The following NAALADL2 variants were observed in gnomAD, a reference collection of about 807,000 sequenced individuals.
NAALADL2 encodes N-acetylated alpha-linked acidic dipeptidase like 2, also known as inactive N-acetylated-alpha-linked acidic dipeptidase-like protein 2.
NAALADL2 carries 76 observed loss-of-function variants against 87.2 expected under a neutral mutation model. The ratio of observed to expected loss-of-function variants is 0.87; its 90% CI spans 0.72 to 1.05. The LOEUF is 1.05. Among genes scored for constraint, NAALADL2 ranks in the 50% least tolerant of loss-of-function variants. The pLI, the probability that NAALADL2 is intolerant of heterozygous loss-of-function variation, is 0.00. For missense variants in NAALADL2, 1,089 were observed against 945.8 expected, an observed-to-expected ratio of 1.15 and a Z score of -1.99; for synonymous variants, 354 against 331.0, an observed-to-expected ratio of 1.07 and a Z score of -0.75.
Position 174,853,201 on chromosome 3 carries a change from C to CAAAAA in NAALADL2, c.-9+115478_-9+115482dup, listed in dbSNP as rs34303846. ...CAACATGGTGAAACCCCGTCTCTAC[C>CAAAAA]AAAAAAAAAAAAAAAAAAAAAAAAA... On this transcript the variant is annotated intron_variant, in intron 3 of 3. Coordinates refer to the NAALADL2 transcript ENST00000434257. Among the ~76,000 whole-genome samples the CAAAAA allele has an allele frequency of 8.3e-3, 378 of 45,618 alleles. 34 individuals are homozygous for CAAAAA. The highest frequency in any genetic ancestry group is 0.033 in the East Asian group (39 of 1,176). 29.9% of individuals were successfully genotyped at this position (45,618 alleles called of 152,430 possible).
chr3:175,455,106 T>C (rs972792414), intron 6 of NAALADL2, among the ~76,000 whole-genome samples: 3 of 152,070 alleles, frequency 2.0e-5, no homozygotes, highest in Non-Finnish European at 4.4e-5. Context: ...AGAAGAGCTG[T>C]GGCTTTTAGT....
intron 2 of NAALADL2, among the ~76,000 whole-genome samples, chr3:174,677,296 TG>T (rs2108816440): frequency 6.6e-6 from 1 of 152,168 alleles, no homozygotes; most frequent in East Asian, 1.9e-4. Flanking sequence ...AGTCCTCTCC[TG>T]GGACTTGTTT....
intron 5 of NAALADL2, among the ~76,000 whole-genome samples, chr3:175,341,165 C>T (rs187728547): frequency 1.3e-5 from 2 of 152,124 alleles, no homozygotes; most frequent in African/African-American, 4.8e-5. Flanking sequence ...TCCCCATTCT[C>T]TCCTCCCTCC....
chr3:174,851,691 T>C (rs1303503743), intron 3 of NAALADL2, among the ~76,000 whole-genome samples: 2 of 151,946 alleles, frequency 1.3e-5, no homozygotes, highest in African/African-American at 4.8e-5. Context: ...TCAAACTATT[T>C]CAGAAAATTT....
At chr3:175,801,733 C>G (rs1218257023) in intron 13 of NAALADL2, among the ~76,000 whole-genome samples, 1 of 151,928 alleles carries the variant, frequency 6.6e-6, no homozygotes, top group East Asian at 1.9e-4. Flanking sequence ...TGTTTGCCTC[C>G]CTTATTAGAC....
chr3:175,298,272 C>A (rs930570219), intron 4 of NAALADL2, among the ~76,000 whole-genome samples: 2 of 151,986 alleles, frequency 1.3e-5, no homozygotes, highest in African/African-American at 4.8e-5. Flanking sequence ...TGGAGGGATG[C>A]GGAAACTTGT....
At chr3:174,493,474 T>C (rs557855904) in intron 1 of NAALADL2, among the ~76,000 whole-genome samples, 1 of 152,330 alleles carries the variant, frequency 6.6e-6, no homozygotes, top group Non-Finnish European at 1.5e-5. Context: ...TTCCCCATAG[T>C]CCTCAGAAGG....
chr3:174,516,195 G>GT (rs1481952987), intron 1 of NAALADL2, among the ~76,000 whole-genome samples: 5 of 152,036 alleles, frequency 3.3e-5, no homozygotes, highest in African/African-American at 1.2e-4. Context: ...TTAATAGCAC[G>GT]TTTTTTCCTC....
intron 2 of NAALADL2, among the ~76,000 whole-genome samples, chr3:174,656,337 A>C (rs574304089): frequency 6.6e-6 from 1 of 152,188 alleles, no homozygotes; most frequent in Non-Finnish European, 1.5e-5. Flanking sequence ...AAAATAGATA[A>C]ATTTCAAAAC....
intron 1 of NAALADL2, among the ~76,000 whole-genome samples, chr3:174,971,342 A>G (rs1253819147): frequency 6.6e-6 from 1 of 152,230 alleles, no homozygotes; most frequent in Non-Finnish European, 1.5e-5. Context: ...GCAATTTCAA[A>G]GTAAAAATTT....
At chr3:175,708,715 C>A (rs1395396249) in intron 11 of NAALADL2, among the ~76,000 whole-genome samples, 1 of 151,840 alleles carries the variant, frequency 6.6e-6, no homozygotes, top group African/African-American at 2.4e-5. Context: ...TTTCCCTCCC[C>A]CCAAAGCCAT....
intron 1 of NAALADL2, among the ~76,000 whole-genome samples, chr3:174,525,259 C>A (rs1343169107): frequency 6.6e-6 from 1 of 152,150 alleles, no homozygotes; most frequent in Non-Finnish European, 1.5e-5. Context: ...ATTCTTGTGT[C>A]ACTATAAAGG....
intron 9 of NAALADL2, among the ~76,000 whole-genome samples, chr3:175,554,719 C>A (rs1714983021): frequency 6.6e-6 from 1 of 151,942 alleles, no homozygotes; most frequent in Non-Finnish European, 1.5e-5. Flanking sequence ...ATTTAAAAAT[C>A]TTGTTAATTT....
chr3:175,158,404 C>T (rs1160797582), intron 2 of NAALADL2, among the ~76,000 whole-genome samples: 1 of 149,778 alleles, frequency 6.7e-6, no homozygotes, highest in African/African-American at 2.5e-5. Flanking sequence ...ACAAGTAAAG[C>T]CATCATCAGG....
At chr3:175,323,933 G>C (rs1760310958) in intron 4 of NAALADL2, among the ~76,000 whole-genome samples, 2 of 150,762 alleles carry the variant, frequency 1.3e-5, no homozygotes, top group East Asian at 2.0e-4. Flanking sequence ...CAGGAGAATG[G>C]CGTGAACCCG....
chr3:174,876,800 G>C (rs1165431604), intron 1 of NAALADL2, among the ~76,000 whole-genome samples: 4 of 152,120 alleles, frequency 2.6e-5, no homozygotes, highest in Non-Finnish European at 4.4e-5. Context: ...TATTTCTTGT[G>C]TTCTTAGTTG....
intron 9 of NAALADL2, among the ~76,000 whole-genome samples, chr3:175,566,796 A>C (rs1048453404): frequency 6.6e-6 from 1 of 152,044 alleles, no homozygotes; most frequent in Non-Finnish European, 1.5e-5. Flanking sequence ...TATATTATAG[A>C]AGCTAGCTAT....
intron 3 of NAALADL2, among the ~76,000 whole-genome samples, chr3:174,814,059 G>A (rs1351933860): frequency 1.3e-5 from 2 of 151,768 alleles, no homozygotes; most frequent in Non-Finnish European, 2.9e-5. Context: ...CACAGAGAAG[G>A]TGTGACAACT....
chr3:175,768,403 T>C (rs1749029810), intron 13 of NAALADL2, among the ~76,000 whole-genome samples: 1 of 152,234 alleles, frequency 6.6e-6, no homozygotes, highest in South Asian at 2.1e-4. Flanking sequence ...GGTAGATGTT[T>C]TCCCCATTGT....
Sources: allele counts gnomAD v4.1 joint callset (sites outside exome capture counted in the v4.1 genomes callset), GRCh38; gene constraint gnomAD v4.1.1; transcripts MANE v1.5; gene names NCBI Gene and HGNC (gene_info 2026-07-23, HGNC 2026-07-21).